Variants in CCBE1 observed in about 807,000 individuals in gnomAD.
The protein encoded by CCBE1 is collagen and calcium binding EGF domains 1, also known as collagen and calcium-binding EGF domain-containing protein 1.
A neutral mutation model predicts 50.0 loss-of-function variants in CCBE1; 37 were observed. The observed-to-expected ratio is 0.74, with a 90% CI of 0.57 to 0.97. The LOEUF is 0.97. CCBE1 is among the 50% of genes least tolerant of loss of function. The probability of loss-of-function intolerance (pLI) is 0.00; values close to 1 mark genes in which losing one functional copy is unlikely to be tolerated. For missense variants in CCBE1, 538 were observed against 523.8 expected, an observed-to-expected ratio of 1.03 and a Z score of -0.26; for synonymous variants, 234 against 203.7, an observed-to-expected ratio of 1.15 and a Z score of -1.27.
At chr18:59,518,568 G>A (rs1914471077) in intron 2 of CCBE1, among the ~76,000 whole-genome samples, 1 of 152,118 alleles carries the variant, frequency 6.6e-6, no homozygotes, top group South Asian at 2.1e-4. Flanking sequence ...TGTTAAACTT[G>A]GCTATTTTCT....
At chr18:59,684,685 T>C (rs1424372290) in intron 2 of CCBE1, among the ~76,000 whole-genome samples, 1 of 152,236 alleles carries the variant, frequency 6.6e-6, no homozygotes, top group East Asian at 1.9e-4. Context: ...TTAGTCAGCA[T>C]AATTGCTGTT....
intron 3 of CCBE1, among the ~76,000 whole-genome samples, chr18:59,473,305 C>G (rs1490314179): frequency 6.6e-6 from 1 of 152,130 alleles, no homozygotes; most frequent in Admixed American, 6.5e-5. Flanking sequence ...CCATTGTCTT[C>G]CAGCTTTTCA....
chr18:59,623,760 A>G (rs894676908), intron 2 of CCBE1, among the ~76,000 whole-genome samples: 1 of 152,196 alleles, frequency 6.6e-6, no homozygotes, highest in African/African-American at 2.4e-5. Flanking sequence ...AGCAACAGAC[A>G]GGGGAAGAGT....
At chr18:59,499,419 C>T (rs1913511421) in intron 2 of CCBE1, among the ~76,000 whole-genome samples, 1 of 152,044 alleles carries the variant, frequency 6.6e-6, no homozygotes, top group Non-Finnish European at 1.5e-5. Flanking sequence ...AGAGACATAC[C>T]TGAGACTAAG....
chr18:59,677,079 G>C (rs192192060), intron 2 of CCBE1, among the ~76,000 whole-genome samples: 1 of 152,256 alleles, frequency 6.6e-6, no homozygotes, highest in Non-Finnish European at 1.5e-5. Flanking sequence ...TTAAGCCTGG[G>C]TATTTTAAGG....
At chr18:59,630,082 CAGG>C (rs2053832332) in intron 2 of CCBE1, among the ~76,000 whole-genome samples, 1 of 152,138 alleles carries the variant, frequency 6.6e-6, no homozygotes, top group Admixed American at 6.5e-5. Context: ...TATAAGGAAA[CAGG>C]AGTTTTCCAG....
intron 7 of CCBE1, among the ~76,000 whole-genome samples, chr18:59,444,996 T>C (rs776767382): frequency 7.2e-5 from 11 of 152,164 alleles, no homozygotes; most frequent in Non-Finnish European, 1.0e-4. Context: ...CTGTAGGTTG[T>C]TTTTGCCCTG....
At chr18:59,634,518 C>A (rs1051062455) in intron 2 of CCBE1, among the ~76,000 whole-genome samples, 22 of 152,248 alleles carry the variant, frequency 1.4e-4, no homozygotes, top group African/African-American at 4.1e-4. Flanking sequence ...CAGATTATGA[C>A]AGTTAAATAT....
At chr18:59,647,663 G>C (rs773311309) in intron 2 of CCBE1, among the ~76,000 whole-genome samples, 10 of 152,116 alleles carry the variant, frequency 6.6e-5, no homozygotes, top group Non-Finnish European at 8.8e-5. Context: ...CCCTCCACCT[G>C]TGAATAATTA....
At chr18:59,601,566 C>A (rs1031289468) in intron 2 of CCBE1, among the ~76,000 whole-genome samples, 1 of 152,162 alleles carries the variant, frequency 6.6e-6, no homozygotes, top group Non-Finnish European at 1.5e-5. Flanking sequence ...TTATTAGCAG[C>A]ATTAAAACCA....
intron 2 of CCBE1, among the ~76,000 whole-genome samples, chr18:59,676,353 C>A (rs79887946): frequency 0.01 from 1,502 of 150,006 alleles, 34 homozygotes; most frequent in African/African-American, 0.037. Flanking sequence ...CAAGTGCCCA[C>A]CCATGGCAAG....
intron 2 of CCBE1, among the ~76,000 whole-genome samples, chr18:59,646,311 C>G (rs1004657459): frequency 6.6e-6 from 1 of 152,176 alleles, no homozygotes; most frequent in Non-Finnish European, 1.5e-5. Context: ...CAGATAGGGA[C>G]TTAGGAATGG....
intron 2 of CCBE1, among the ~76,000 whole-genome samples, chr18:59,692,798 G>A (rs1039410817): frequency 2.0e-5 from 3 of 152,070 alleles, no homozygotes; most frequent in Admixed American, 2.0e-4. Context: ...GAGACAGCAC[G>A]GGCTGGACAG....
chr18:59,472,634 G>A (rs564687619), intron 3 of CCBE1, among the ~76,000 whole-genome samples: 112 of 152,244 alleles, frequency 7.4e-4, no homozygotes, highest in South Asian at 3.5e-3. Flanking sequence ...CCAGCACCGC[G>A]CCCAGCCTAC....
intron 5 of CCBE1, chr18:59,455,320 TCA>T (rs1911140058): frequency 2.8e-6 from 1 of 362,172 alleles, no homozygotes; most frequent in Admixed American, 3.7e-5. Context: ...GGGCTAATGT[TCA>T]CACACTGTAA....
At chr18:59,666,970 AT>A (rs1319444462) in intron 2 of CCBE1, among the ~76,000 whole-genome samples, 1 of 152,166 alleles carries the variant, frequency 6.6e-6, no homozygotes, top group African/African-American at 2.4e-5. Flanking sequence ...GTCTCAAAAA[AT>A]AAATAAATAA....
At chr18:59,653,124 T>C (rs527596886) in intron 2 of CCBE1, among the ~76,000 whole-genome samples, 39 of 152,332 alleles carry the variant, frequency 2.6e-4, no homozygotes, top group African/African-American at 9.4e-4. Flanking sequence ...TCAGCATGTA[T>C]ACGTGTGGCA....
intron 2 of CCBE1, among the ~76,000 whole-genome samples, chr18:59,662,106 A>G (rs1206498062): frequency 1.3e-5 from 2 of 152,232 alleles, no homozygotes; most frequent in Non-Finnish European, 2.9e-5. Context: ...AGCACTAGAC[A>G]TGTCAGCACT....
chr18:59,436,001 G>T lies in CCBE1; in HGVS notation c.1128C>A (p.Ser376Arg), dbSNP rs758961080. The T allele has an allele frequency of 6.8e-6, 11 of 1,614,186 alleles. No individual in the cohort carries two copies. The highest frequency in any genetic ancestry group is 9.3e-6 in the Non-Finnish European group (11 of 1,180,034). The change falls in exon 11 of 11, where the codon AGC becomes AGA. Residue 376 changes from serine to arginine, a missense_variant. Transcript: ENST00000439986. ...EEFPLPQEFPSYPEAMDLGSG... is the reference protein window; with the variant it reads ...EEFPLPQEFPRYPEAMDLGSG... ...AGCCCAGGTCCATGGCTTCTGGGTA[G>T]CTGGGAAATTCCTGAGGTAAAGGGA...
Sources: gnomAD v4.1 joint callset for allele counts (sites outside exome capture counted in the v4.1 genomes callset) on GRCh38, gnomAD v4.1.1 for gene constraint, MANE v1.5 for transcripts, NCBI Gene and HGNC (gene_info 2026-07-23, HGNC 2026-07-21) for gene names.